The following DNAJC1 variants were observed in gnomAD, a reference collection of about 807,000 sequenced individuals.
DNAJC1 encodes the protein dnaJ homolog subfamily C member 1.
Under a neutral mutation model 76.6 loss-of-function variants are expected in DNAJC1, and 58 were observed. The observed-to-expected ratio is 0.76, with a 90% CI of 0.61 to 0.94. DNAJC1 has a LOEUF of 0.94. DNAJC1 is among the 40% of genes least tolerant of loss of function. DNAJC1 has a pLI of 0.00. For missense variants in DNAJC1, 689 were observed against 677.3 expected, an observed-to-expected ratio of 1.02 and a Z score of -0.19; for synonymous variants, 258 against 267.9, an observed-to-expected ratio of 0.96 and a Z score of 0.36.
chr10:21,999,530 ACTGCAACCT>A (rs1564849670), intron 1 of DNAJC1, among the ~76,000 whole-genome samples: 2 of 135,916 alleles, frequency 1.5e-5, no homozygotes, highest in African/African-American at 5.6e-5. Flanking sequence ...ATCTTGGCTC[ACTGCAACCT>A]CCGCCTCCCG....
At chr10:21,812,873 G>A (rs1834991006) in intron 8 of DNAJC1, among the ~76,000 whole-genome samples, 1 of 151,838 alleles carries the variant, frequency 6.6e-6, no homozygotes, top group South Asian at 2.1e-4. Context: ...AGCCTCCAAG[G>A]TGTTCCTCAG....
intron 8 of DNAJC1, among the ~76,000 whole-genome samples, chr10:21,833,939 G>A (rs1263669215): frequency 6.6e-6 from 1 of 152,114 alleles, no homozygotes; most frequent in Non-Finnish European, 1.5e-5. Flanking sequence ...TCACTGTAGG[G>A]TAAGTTTGTA....
chr10:21,952,362 C>T (rs1564836709), intron 1 of DNAJC1, among the ~76,000 whole-genome samples: 1 of 151,996 alleles, frequency 6.6e-6, no homozygotes, highest in African/African-American at 2.4e-5. Context: ...AAAACAATAG[C>T]TTTTTTTTCT....
At chr10:21,995,994 TA>T (rs377174258) in intron 1 of DNAJC1, among the ~76,000 whole-genome samples, 1,978 of 152,332 alleles carry the variant, frequency 0.013, 39 homozygotes, top group African/African-American at 0.045. Context: ...TTAAAACATG[TA>T]ATCATATTTT....
At chr10:21,817,194 A>G (rs1393703374) in intron 8 of DNAJC1, among the ~76,000 whole-genome samples, 1 of 147,510 alleles carries the variant, frequency 6.8e-6, no homozygotes, top group Non-Finnish European at 1.5e-5. Flanking sequence ...TCAATAGACT[A>G]TGTGTACATC....
intron 9 of DNAJC1, among the ~76,000 whole-genome samples, chr10:21,776,137 T>C (rs938316484): frequency 1.3e-5 from 2 of 152,122 alleles, no homozygotes; most frequent in East Asian, 1.9e-4. Flanking sequence ...GTAGGTTGCA[T>C]TCCCTCTAGT....
chr10:21,918,281 T>C (rs1474283638), intron 6 of DNAJC1, among the ~76,000 whole-genome samples: 1 of 151,716 alleles, frequency 6.6e-6, no homozygotes, highest in Non-Finnish European at 1.5e-5. Context: ...ACTCATTACC[T>C]GTATAAGACA....
intron 8 of DNAJC1, among the ~76,000 whole-genome samples, chr10:21,843,629 G>A (rs1365215084): frequency 1.3e-5 from 2 of 151,830 alleles, no homozygotes; most frequent in Non-Finnish European, 2.9e-5. Context: ...TCCTGACCTC[G>A]TGATCCACTG....
intron 8 of DNAJC1, among the ~76,000 whole-genome samples, chr10:21,850,533 CTTT>C (rs1041190429): frequency 5.9e-5 from 8 of 136,460 alleles, no homozygotes; most frequent in African/African-American, 1.3e-4. Flanking sequence ...ATTTTCTTTT[CTTT>C]TTTTTTTTTT....
intron 7 of DNAJC1, among the ~76,000 whole-genome samples, chr10:21,895,628 T>C (rs1244901659): frequency 1.3e-5 from 2 of 152,152 alleles, no homozygotes; most frequent in Admixed American, 6.5e-5. Context: ...GGTTTTAAAG[T>C]ATGCTTGAGG....
chr10:21,974,586 G>A (rs1274479506), intron 1 of DNAJC1, among the ~76,000 whole-genome samples: 1 of 152,054 alleles, frequency 6.6e-6, no homozygotes, highest in Non-Finnish European at 1.5e-5. Flanking sequence ...TCATGAAAAA[G>A]TAAGTACCTT....
intron 8 of DNAJC1, among the ~76,000 whole-genome samples, chr10:21,843,344 A>G (rs1835602220): frequency 6.6e-6 from 1 of 152,084 alleles, no homozygotes; most frequent in Non-Finnish European, 1.5e-5. Flanking sequence ...GCTGACTTCT[A>G]ATAATCAAAA....
At chr10:21,803,955 A>G in intron 9 of DNAJC1, 1 of 985,028 alleles carries the variant, frequency 1.0e-6, no homozygotes, top group South Asian at 4.7e-5. Context: ...TATCTATTGC[A>G]GACACGGAAT....
At chr10:21,782,850 A>G (rs1184113833) in intron 9 of DNAJC1, among the ~76,000 whole-genome samples, 1 of 152,168 alleles carries the variant, frequency 6.6e-6, no homozygotes, top group Non-Finnish European at 1.5e-5. Context: ...AAATTCAACA[A>G]CCCTTCATGC....
intron 8 of DNAJC1, among the ~76,000 whole-genome samples, chr10:21,857,292 C>A (rs1835850301): frequency 6.6e-6 from 1 of 151,712 alleles, no homozygotes; most frequent in African/African-American, 2.4e-5. Context: ...TTAGTGCTAA[C>A]CCTTTTAAAC....
At chr10:21,988,996 T>C (rs940687983) in intron 1 of DNAJC1, among the ~76,000 whole-genome samples, 3 of 152,216 alleles carry the variant, frequency 2.0e-5, no homozygotes, top group African/African-American at 7.2e-5. Flanking sequence ...TTTATCACTA[T>C]ATTCAAAACC....
intron 8 of DNAJC1, among the ~76,000 whole-genome samples, chr10:21,815,138 C>A (rs1835053899): frequency 6.6e-6 from 1 of 152,208 alleles, no homozygotes; most frequent in South Asian, 2.1e-4. Flanking sequence ...TCATATAAAT[C>A]ATGGGTAGCC....
At chr10:21,957,185 T>C (rs2998360) in intron 1 of DNAJC1, among the ~76,000 whole-genome samples, 118,128 of 152,004 alleles carry the variant, frequency 0.78, 46,725 homozygotes, top group East Asian at 0.99. Flanking sequence ...CCACTGCGCC[T>C]GACCAGAATT....
intron 1 of DNAJC1, among the ~76,000 whole-genome samples, chr10:21,954,827 G>T (rs945684670): frequency 2.0e-5 from 3 of 152,200 alleles, no homozygotes; most frequent in Admixed American, 2.0e-4. Flanking sequence ...AATATAATGA[G>T]GAAACTGGGC....
Sources: gnomAD v4.1 joint callset for allele counts (sites outside exome capture counted in the v4.1 genomes callset) on GRCh38, gnomAD v4.1.1 for gene constraint, MANE v1.5 for transcripts, NCBI Gene and HGNC (gene_info 2026-07-23, HGNC 2026-07-21) for gene names.